The following NYAP2 variants were observed in gnomAD, a reference collection of about 807,000 sequenced individuals.
NYAP2 encodes the protein neuronal tyrosine-phosphorylated phosphoinositide-3-kinase adaptor 2.
A neutral mutation model predicts 50.4 loss-of-function variants in NYAP2; 23 were observed. The ratio of observed to expected loss-of-function variants is 0.46; its 90% CI spans 0.33 to 0.65. NYAP2 has a LOEUF of 0.65. Among genes scored for constraint, NYAP2 ranks in the 30% least tolerant of loss-of-function variants. The probability of loss-of-function intolerance (pLI) is 0.02; values close to 1 mark genes in which losing one functional copy is unlikely to be tolerated. For missense variants in NYAP2, 885 were observed against 861.0 expected, an observed-to-expected ratio of 1.03 and a Z score of -0.35; for synonymous variants, 394 against 365.2, an observed-to-expected ratio of 1.08 and a Z score of -0.90.
chr2:225,411,332 G>A (rs1559172909), intron 3 of NYAP2, among the ~76,000 whole-genome samples: 1 of 152,078 alleles, frequency 6.6e-6, no homozygotes, highest in Non-Finnish European at 1.5e-5. Context: ...ACTTTATTTT[G>A]TTTCTGCCTA....
intron 3 of NYAP2, among the ~76,000 whole-genome samples, chr2:225,460,678 C>T (rs1689814237): frequency 6.6e-6 from 1 of 152,186 alleles, no homozygotes; most frequent in Non-Finnish European, 1.5e-5. Context: ...TTTGCCTATG[C>T]TAGACCATCG....
the NYAP2 span, among the ~76,000 whole-genome samples, chr2:225,673,057 TGAG>T: frequency 6.6e-6 from 1 of 150,882 alleles, no homozygotes; most frequent in Non-Finnish European, 1.5e-5. Context: ...TCCGCATGGC[TGAG>T]GAGGCCTCAC....
At chr2:225,488,902 A>C (rs908201738) in intron 3 of NYAP2, among the ~76,000 whole-genome samples, 1 of 152,182 alleles carries the variant, frequency 6.6e-6, no homozygotes, top group Non-Finnish European at 1.5e-5. Context: ...GACTTCCTTT[A>C]AAGAGCAGCT....
At chr2:225,472,882 A>C (rs1690035648) in intron 3 of NYAP2, among the ~76,000 whole-genome samples, 1 of 152,130 alleles carries the variant, frequency 6.6e-6, no homozygotes, top group African/African-American at 2.4e-5. Context: ...ATATGTATAC[A>C]TGTGCCATGT....
intron 3 of NYAP2, among the ~76,000 whole-genome samples, chr2:225,415,156 T>C (rs1695103136): frequency 6.6e-6 from 1 of 152,120 alleles, no homozygotes; most frequent in East Asian, 1.9e-4. Context: ...ATTTCCTCTT[T>C]AAAAGTGACA....
At chr2:225,558,746 A>G (rs1410885313) in intron 4 of NYAP2, among the ~76,000 whole-genome samples, 1 of 152,114 alleles carries the variant, frequency 6.6e-6, no homozygotes, top group Non-Finnish European at 1.5e-5. Flanking sequence ...TCTATCTTCC[A>G]TAGCTTCTCT....
At chr2:225,598,427 T>C (rs977821479) in intron 5 of NYAP2, among the ~76,000 whole-genome samples, 1 of 152,162 alleles carries the variant, frequency 6.6e-6, no homozygotes, top group Non-Finnish European at 1.5e-5. Context: ...GTACTTAATA[T>C]CAAAAATAAT....
chr2:225,573,292 C>T (rs1462596525), intron 4 of NYAP2, among the ~76,000 whole-genome samples: 4 of 149,072 alleles, frequency 2.7e-5, no homozygotes, highest in African/African-American at 9.9e-5. Context: ...GTTCTTGTCA[C>T]CCAGGCTGGA....
chr2:225,624,255 C>T (rs1329676420), intron 5 of NYAP2, among the ~76,000 whole-genome samples: 1 of 152,148 alleles, frequency 6.6e-6, no homozygotes, highest in African/African-American at 2.4e-5. Flanking sequence ...TTAAGTTTGT[C>T]TAAAGTGTTT....
chr2:225,687,212 T>G, the NYAP2 span, among the ~76,000 whole-genome samples: 292 of 152,258 alleles, frequency 1.9e-3, no homozygotes, highest in African/African-American at 6.7e-3. Flanking sequence ...CTGAAATATA[T>G]CAATAGGGCA....
At chr2:225,651,786 T>C in exon 7 of NYAP2, 4 of 537,344 alleles carry the variant, frequency 7.4e-6, no homozygotes, top group South Asian at 7.4e-5. Flanking sequence ...TTTTTGTCTC[T>C]GGTTTCCATC....
chr2:225,540,917 G>T (rs1253227435), intron 4 of NYAP2, among the ~76,000 whole-genome samples: 1 of 152,024 alleles, frequency 6.6e-6, no homozygotes, highest in South Asian at 2.1e-4. Flanking sequence ...GTCTATGAGG[G>T]TTCATTTTTT....
chr2:225,497,806 T>C lies in NYAP2; in HGVS notation c.222-15565T>C, dbSNP rs374955128. ...TGTGTGTGTGATCTATAGTGTCTTT[T>C]TCTATAGACACACAGATGATGGAAT... On this transcript the variant is annotated intron_variant, in intron 3 of 6. Coordinates refer to ENST00000636099, the Ensembl canonical transcript of NYAP2. Among the ~76,000 whole-genome samples, 14 of 152,304 alleles carry C rather than the reference T, an allele frequency of 9.2e-5. No homozygotes were observed. The East Asian group carries it at 1.9e-3, about 21-fold the overall frequency.
intron 3 of NYAP2, among the ~76,000 whole-genome samples, chr2:225,459,236 G>C (rs1435391233): frequency 2.0e-5 from 3 of 152,176 alleles, no homozygotes; most frequent in Admixed American, 1.3e-4. Flanking sequence ...TTGTGCTAAT[G>C]TTATTGATAT....
At chr2:225,474,059 A>T (rs1297197117) in intron 3 of NYAP2, among the ~76,000 whole-genome samples, 3 of 152,212 alleles carry the variant, frequency 2.0e-5, no homozygotes, top group African/African-American at 7.2e-5. Context: ...CCATTTGTTA[A>T]ATAAGGAATC....
chr2:225,444,965 T>A (rs1689528516), intron 3 of NYAP2, among the ~76,000 whole-genome samples: 1 of 152,154 alleles, frequency 6.6e-6, no homozygotes, highest in Non-Finnish European at 1.5e-5. Context: ...AGATTTGGAA[T>A]GAAAAAACTA....
intron 3 of NYAP2, among the ~76,000 whole-genome samples, chr2:225,481,520 G>A (rs995209488): frequency 6.6e-6 from 1 of 152,036 alleles, no homozygotes; most frequent in Non-Finnish European, 1.5e-5. Context: ...GAATTTAATT[G>A]ATCATGAACA....
Position 225,582,598 on chromosome 2 carries a change from A to T in NYAP2, c.1181A>T (p.Glu394Val). 6.3e-7 allele frequency: 1 copy of T among 1,597,154 alleles called. No individual in the cohort carries two copies. The highest frequency in any genetic ancestry group is 8.5e-7 in the Non-Finnish European group (1 of 1,172,598). ...CACGTCCCCGGCCATGCGAAACTGGAGAAAGAGCAGGCCGCGGCCCTGGGA... is the reference window on the plus strand; with the variant it reads ...CACGTCCCCGGCCATGCGAAACTGGTGAAAGAGCAGGCCGCGGCCCTGGGA... The change falls in exon 5 of 7, where the codon GAG (glutamate) becomes GTG (valine). Residue 394 changes from glutamate (E) to valine (V), a missense_variant. Coordinates refer to ENST00000636099, the Ensembl canonical transcript of NYAP2. This position sits in a 1 kb window ranked among gnomAD's most constrained non-coding sequence, Gnocchi z 7.0.
In NYAP2 at chr2:225,513,368, C is replaced by T; in HGVS notation, c.222-3C>T. On this transcript the variant is annotated splice_polypyrimidine_tract_variant and splice_region_variant and intron_variant, in intron 3 of 6. Transcript: ENST00000636099. ...ATGGTTTTTGGTCTGCTTTCTTTTA[C>T]AGCATAGGTGGAGAAGTAGGGCGAG... is the stretch of plus-strand genomic sequence containing the variant. 1.2e-6 allele frequency: 2 copies of T among 1,613,780 alleles called. No individual in the cohort carries two copies. Among genetic ancestry groups the T allele is most frequent in the Non-Finnish European group, 1.7e-6 (2 of 1,179,768 alleles).
Sources: allele counts gnomAD v4.1 joint callset (sites outside exome capture counted in the v4.1 genomes callset), GRCh38; gene constraint gnomAD v4.1.1; non-coding constraint Gnocchi (gnomAD v3.1); transcripts MANE v1.5; gene names NCBI Gene and HGNC (gene_info 2026-07-23, HGNC 2026-07-21).